Variants in ATP5MC1 observed in about 807,000 individuals in gnomAD.
ATP5MC1 encodes the protein ATP synthase F(0) complex subunit C1, mitochondrial.
Under a neutral mutation model 12.1 loss-of-function variants are expected in ATP5MC1, and 4 were observed. The ratio of observed to expected loss-of-function variants is 0.33; its 90% CI spans 0.16 to 0.76. The LOEUF (loss-of-function observed/expected upper bound fraction) is 0.76, where lower values mean the gene tolerates loss of function less well. ATP5MC1 is among the 30% of genes least tolerant of loss of function. The pLI is 0.61. For missense variants in ATP5MC1, 117 were observed against 172.1 expected (o/e 0.68, Z 1.79); for synonymous variants, 52 against 66.0 (o/e 0.79, Z 1.03).
Position 48,895,640 on chromosome 17 carries a change from C to T in ATP5MC1, c.297-15C>T, listed in dbSNP as rs1188889234. 4 of 1,608,714 alleles carry T rather than the reference C, an allele frequency of 2.5e-6. No individual in the cohort carries two copies. The highest frequency in any genetic ancestry group is 3.4e-6 in the Non-Finnish European group (4 of 1,175,412). ...TTCCTCTCCCTCAACTGGCAATGAT[C>T]TCTGTCCCTCCCAGGAACCCGTCTC... On this transcript the variant is annotated splice_polypyrimidine_tract_variant and intron_variant, in intron 4 of 4. Transcript: ENST00000393366.
rs113959540 is a variant in ATP5MC1 at position 48,894,342 on chromosome 17, T to C, written c.40-30T>C. The C allele has an allele frequency of 5.0e-5, 81 of 1,610,136 alleles. 3 individuals are homozygous for C. In the African/African-American group the frequency reaches 5.2e-4, roughly 10 times the overall value. On this transcript the variant is annotated intron_variant, in intron 2 of 4. Transcript: ENST00000393366. ...TTAGGATTTTTTTTCCTTGACTGAT[T>C]TGGTAGGATGTGGCTTTCTGATTTT...
chr17:48,895,186 G>A lies in ATP5MC1; in HGVS notation c.148G>A (p.Ala50Thr). 1.2e-6 allele frequency: 2 copies of A among 1,608,504 alleles called. No individual in the cohort carries two copies. Among genetic ancestry groups the A allele is most frequent in the Admixed American group, 1.7e-5 (1 of 59,894 alleles). ...PSYSNFPLQV[A>T]RREFQTSVVS... Reference sequence around the variant, plus strand: ...CTACAGCAACTTCCCACTCCAGGTGGCCAGACGGGAGTTCCAGACCAGTGT... The same window carrying A: ...CTACAGCAACTTCCCACTCCAGGTGACCAGACGGGAGTTCCAGACCAGTGT... Residue 50 changes from alanine to threonine, a missense_variant, in exon 4 of 5, where the codon GCC becomes ACC. Physicochemically the swap from Ala to Thr is moderately conservative, Grantham distance 58 (BLOSUM62 0). Coordinates refer to ENST00000393366, the MANE Select transcript of ATP5MC1 (RefSeq NM_005175.3).
At position 48,895,241 on chromosome 17, in the gene ATP5MC1, A is replaced by C. The variant is rs753073853; in HGVS notation, c.203A>C (p.Lys68Thr). 2.5e-6 allele frequency: 4 copies of C among 1,612,452 alleles called. No homozygotes were observed. Among genetic ancestry groups the C allele is most frequent in the Non-Finnish European group, 3.4e-6 (4 of 1,178,606 alleles). Residue 68 changes from lysine (K) to threonine (T), a missense_variant, in exon 4 of 5, where the codon AAG becomes ACG. Physicochemically the swap from Lys to Thr is moderately conservative, Grantham distance 78. Transcript: ENST00000393366. ...TCCCGGGACATTGACACAGCAGCCA[A>C]GTTTATTGGTGCTGGGGCAGCCACA... ...VVSRDIDTAA[K>T]FIGAGAATVG... is the part of the protein sequence containing the mutation.
rs1288574915 is a variant in ATP5MC1, at chr17:48,895,023, A to G, written c.118-133A>G. The G allele has an allele frequency of 3.1e-6, 3 of 981,450 alleles. No homozygotes were observed. The East Asian group carries it at 7.6e-5, about 25-fold the overall frequency. 60.8% of individuals were successfully genotyped at this position (981,450 alleles called of 1,614,324 possible). ...TCCCAGCATACTCTGCAATCAGAGT[A>G]TTCTGCATTTACCAGGCAGTTTGCC... On this transcript the variant is annotated intron_variant, in intron 3 of 4. Transcript: ENST00000393366.
chr17:48,894,812 G>A (rs1199737923), intron 3 of ATP5MC1: 1 of 535,202 alleles, frequency 1.9e-6, no homozygotes, highest in Non-Finnish European at 3.6e-6. Flanking sequence ...TCCCAGACAG[G>A]GGTCCTTCAG....
intron 2 of ATP5MC1, 112 bp from the exon 3 acceptor site, chr17:48,894,260 A>C (rs1427018317): frequency 9.6e-7 from 1 of 1,038,038 alleles, no homozygotes; most frequent in Non-Finnish European, 1.5e-6. Context: ...TTGACCTTGA[A>C]ATACATTGAA....
chr17:48,895,051 C>A, intron 3 of ATP5MC1, 105 bp from the exon 4 acceptor site: 1 of 1,362,170 alleles, frequency 7.3e-7, no homozygotes, highest in Non-Finnish European at 1.0e-6. Context: ...AGTTTGCCAA[C>A]AGTTTCAGAG....
At chr17:48,894,631 G>A (rs765347675) in intron 3 of ATP5MC1, 182 bp downstream of exon 3, 4 of 566,564 alleles carry the variant, frequency 7.1e-6, no homozygotes, top group Admixed American at 3.1e-5. Context: ...TTAGCCATGT[G>A]TGGTGGCATG....
At position 48,894,416 on chromosome 17, in the gene ATP5MC1, C is replaced by G. The variant is rs749727998; in HGVS notation, c.84C>G (p.Ser28=). The G allele has an allele frequency of 6.2e-7, 1 of 1,613,750 alleles. No homozygotes were observed. Among genetic ancestry groups the G allele is most frequent in the Non-Finnish European group, 8.5e-7 (1 of 1,179,900 alleles). The change falls in exon 3 of 5, where the codon TCC becomes TCG. Residue 28 remains serine (S), a synonymous_variant. Transcript: ENST00000393366. ...GTCTAATCAGGCCTGTGTCTGCCTC[C>G]TTCTTGAATAGCCCAGTGAATTCAT... ...TRGLIRPVSA[S]FLNSPVNSSK...
rs1598063680 is a variant in ATP5MC1, at chr17:48,895,694, T to C, written c.336T>C (p.Ile112=). The C allele has an allele frequency of 1.2e-6, 2 of 1,614,018 alleles. No homozygotes were observed. The highest frequency in any genetic ancestry group is 1.7e-6 in the Non-Finnish European group (2 of 1,179,956). The change falls in exon 5 of 5, where the codon ATT becomes ATC. Residue 112 remains isoleucine (I), a synonymous_variant. Transcript: ENST00000393366. ...SLKQQLFSYA[I]LGFALSEAMG... ...AGCAGCAGCTCTTCTCCTATGCCAT[T>C]CTTGGCTTTGCCCTGTCTGAGGCCA...
Position 48,895,782 on chromosome 17 carries a change from G to A in ATP5MC1, c.*13G>A. ...CTTCGCCATGTGAGGCTCCATGGGGGGGTCACCGGCCTGTTGCTACTGCAA... is the reference window on the plus strand; with the variant it reads ...CTTCGCCATGTGAGGCTCCATGGGGAGGTCACCGGCCTGTTGCTACTGCAA... On this transcript the variant is annotated 3_prime_UTR_variant, in exon 5 of 5. Coordinates refer to ENST00000393366, the MANE Select transcript of ATP5MC1 (RefSeq NM_005175.3). The A allele has an allele frequency of 6.2e-7, 1 of 1,604,132 alleles. No homozygotes were observed. Among genetic ancestry groups the A allele is most frequent in the Non-Finnish European group, 8.5e-7 (1 of 1,171,756 alleles).
chr17:48,894,338 T>C, intron 2 of ATP5MC1, 34 bp from the exon 3 acceptor site: 1 of 1,607,142 alleles, frequency 6.2e-7, no homozygotes, highest in Non-Finnish European at 8.5e-7. Flanking sequence ...TTTCCTTGAC[T>C]GATTTGGTAG....
Position 48,895,512 on chromosome 17 carries a change from C to T in ATP5MC1, c.297-143C>T, listed in dbSNP as rs534700796. 152 of 1,265,114 alleles carry T rather than the reference C, an allele frequency of 1.2e-4. No individual in the cohort carries two copies. In the South Asian group the frequency reaches 1.9e-3, roughly 16 times the overall value. 78.4% of individuals were successfully genotyped at this position (1,265,114 alleles called of 1,614,324 possible). A position where few individuals can be genotyped will look rare whatever the true frequency, so the allele number is the denominator to read the frequency against. On this transcript the variant is annotated intron_variant, in intron 4 of 4. Transcript: ENST00000393366. ...AAACTTACCAGGTTGGCCCACTCTG[C>T]TTGTCCATCCAAATCCCCAGGATCT...
chr17:48,894,177 C>T, intron 2 of ATP5MC1, 195 bp from the exon 3 acceptor site: 1 of 551,472 alleles, frequency 1.8e-6, no homozygotes, highest in Non-Finnish European at 3.3e-6. Flanking sequence ...GTGAAGGTTG[C>T]CACTGCTGAC....
chr17:48,894,768 C>T lies in ATP5MC1; in HGVS notation c.117+319C>T, dbSNP rs1418599593. The T allele has an allele frequency of 7.6e-6, 4 of 527,964 alleles. No individual in the cohort carries two copies. In the African/African-American group the frequency reaches 7.6e-5, roughly 10 times the overall value. 32.7% of individuals were successfully genotyped at this position (527,964 alleles called of 1,614,324 possible). A position where few individuals can be genotyped will look rare whatever the true frequency, so the allele number is the denominator to read the frequency against. ...AGAGCAAGACCCTGACTCATAAAAACCCATTAATTAATTTTTTTTAAATCA... is the reference window on the plus strand; with the variant it reads ...AGAGCAAGACCCTGACTCATAAAAATCCATTAATTAATTTTTTTTAAATCA... On this transcript the variant is annotated intron_variant, in intron 3 of 4. Coordinates refer to ENST00000393366, the MANE Select transcript of ATP5MC1 (RefSeq NM_005175.3).
At chr17:48,894,566 A>G (rs2040555731) in intron 3 of ATP5MC1, 117 bp downstream of exon 3, 2 of 1,038,878 alleles carry the variant, frequency 1.9e-6, no homozygotes, top group Non-Finnish European at 1.5e-6. Context: ...CCAGTTGTTC[A>G]AGACCAGCCT....
At chr17:48,894,920 T>C (rs767069558) in intron 3 of ATP5MC1, 38 of 654,230 alleles carry the variant, frequency 5.8e-5, no homozygotes, top group Non-Finnish European at 9.0e-5. Context: ...GGTAAGAAAC[T>C]TATAAAAGTG....
Position 48,895,699 on chromosome 17 carries a change from G to A in ATP5MC1, c.341G>A (p.Gly114Asp), listed in dbSNP as rs1451313587. The change falls in exon 5 of 5, where the codon GGC becomes GAC. Residue 114 changes from glycine to aspartate, a missense_variant. Coordinates refer to ENST00000393366, the MANE Select transcript of ATP5MC1 (RefSeq NM_005175.3). ...KQQLFSYAIL[G>D]FALSEAMGLF... Reference sequence around the variant, plus strand: ...CAGCTCTTCTCCTATGCCATTCTTGGCTTTGCCCTGTCTGAGGCCATGGGG... The same window carrying A: ...CAGCTCTTCTCCTATGCCATTCTTGACTTTGCCCTGTCTGAGGCCATGGGG... 6.2e-7 allele frequency: 1 copy of A among 1,613,758 alleles called. No homozygotes were observed. The highest frequency in any genetic ancestry group is 8.5e-7 in the Non-Finnish European group (1 of 1,179,968).
At chr17:48,894,940 T>C (rs1189524023) in intron 3 of ATP5MC1, 1 of 681,002 alleles carries the variant, frequency 1.5e-6, no homozygotes, top group East Asian at 2.9e-5. Flanking sequence ...GAGGTGTGCC[T>C]AACCCATGAA....
Sources: allele counts gnomAD v4.1 joint callset, GRCh38; gene constraint gnomAD v4.1.1; transcripts MANE v1.5; gene names NCBI Gene and HGNC (gene_info 2026-07-23, HGNC 2026-07-21).